Variants in AHDC1 observed in about 807,000 individuals in gnomAD.
AHDC1 encodes the protein transcription factor Gibbin.
Under a neutral mutation model 87.9 loss-of-function variants are expected in AHDC1, and 7 were observed. The observed-to-expected ratio is 0.08, with a 90% CI of 0.05 to 0.15. AHDC1 has a LOEUF of 0.15. AHDC1 is among the 10% of genes least tolerant of loss of function. The pLI, the probability that AHDC1 is intolerant of heterozygous loss-of-function variation, is 1.00. For synonymous variants in AHDC1, 1,051 were observed against 1,006.8 expected (o/e 1.04, Z -0.83); for missense variants, 1,841 against 2,253.2 (o/e 0.82, Z 3.70).
chr1:27,534,993 G>A (rs1450242824), intron 8 of AHDC1, 77 bp from the exon 9 acceptor site: 1 of 152,138 alleles, frequency 6.6e-6, no homozygotes. Flanking sequence ...GAAGTGAAGA[G>A]GGAGACCCCC....
rs2089441533 is a variant in AHDC1, at chr1:27,598,625, C to T, written c.-629+4772G>A. On this transcript the variant is annotated intron_variant, in intron 3 of 8. Transcript: ENST00000673934. This position sits in a 1 kb window ranked among gnomAD's most constrained non-coding sequence, Gnocchi z 4.2. ...TGAGGGGTTGTTCTTGCCAACTGCA[C>T]TGGGGCCATTCCCACCTCCATCTAC... 6.6e-6 allele frequency among the ~76,000 whole-genome samples: 1 copy of T among 151,716 alleles called. No homozygotes were observed. The highest frequency in any genetic ancestry group is 1.5e-5 in the Non-Finnish European group (1 of 67,862).
rs2020204412 is a variant in AHDC1 at position 27,563,793 on chromosome 1, G to A, written c.-628-4910C>T. 6.6e-6 allele frequency among the ~76,000 whole-genome samples: 1 copy of A among 152,092 alleles called. No homozygotes were observed. Among genetic ancestry groups the A allele is most frequent in the African/African-American group, 2.4e-5 (1 of 41,398 alleles). ...GCCCAGTGGCGGGTGCTGGGGGAGA[G>A]GAGTGCTGGGGAGGAAGCTGCCTGG... On this transcript the variant is annotated intron_variant, in intron 3 of 8. Coordinates refer to ENST00000673934, the MANE Select transcript of AHDC1 (RefSeq NM_001371928.1). This position sits in a 1 kb window ranked among gnomAD's most constrained non-coding sequence, Gnocchi z 6.1.
Position 27,561,339 on chromosome 1 carries a change from G to A in AHDC1, c.-628-2456C>T, listed in dbSNP as rs773856329. ...GTCTGCATGGGGTCTGCCTGGCCCTGAGTGTTGGGGGGGAACTTCAGGAGC... is the reference window on the plus strand; with the variant it reads ...GTCTGCATGGGGTCTGCCTGGCCCTAAGTGTTGGGGGGGAACTTCAGGAGC... On this transcript the variant is annotated intron_variant, in intron 3 of 8. Transcript: ENST00000673934. This position sits in a 1 kb window ranked among gnomAD's most constrained non-coding sequence, Gnocchi z 4.2. Among the ~76,000 whole-genome samples the A allele has an allele frequency of 4.0e-5, 6 of 150,596 alleles. No individual in the cohort carries two copies. Among genetic ancestry groups the A allele is most frequent in the Non-Finnish European group, 7.4e-5 (5 of 68,006 alleles).
chr1:27,567,317 C>T (rs1223379399), intron 3 of AHDC1, among the ~76,000 whole-genome samples: 4 of 152,152 alleles, frequency 2.6e-5, no homozygotes, highest in South Asian at 2.1e-4. Context: ...CAGCGCGGGG[C>T]GCCCGCTCCT....
intron 3 of AHDC1, among the ~76,000 whole-genome samples, chr1:27,588,750 A>C (rs1488663068): frequency 6.6e-6 from 1 of 152,082 alleles, no homozygotes; most frequent in African/African-American, 2.4e-5. Flanking sequence ...AAGGCAGGGA[A>C]GTATGCAAAC....
chr1:27,540,943 T>C (rs930687934), intron 8 of AHDC1, among the ~76,000 whole-genome samples: 1 of 148,734 alleles, frequency 6.7e-6, no homozygotes, highest in Non-Finnish European at 1.5e-5. Context: ...AGATGTGTTT[T>C]AATCAATTCA....
chr1:27,602,995 C>CT (rs928642712), intron 3 of AHDC1, among the ~76,000 whole-genome samples: 1 of 142,978 alleles, frequency 7.0e-6, no homozygotes, highest in Non-Finnish European at 1.5e-5. Context: ...TTCCCCCCCC[C>CT]CCCACATTCT....
intron 5 of AHDC1, among the ~76,000 whole-genome samples, chr1:27,557,812 T>A (rs999200601): frequency 6.6e-6 from 1 of 152,076 alleles, no homozygotes; most frequent in African/African-American, 2.4e-5. Flanking sequence ...TACTTCCGGG[T>A]ACCACATACA....
rs2019396541 is a variant in AHDC1, at chr1:27,549,470, C to T, written c.2646G>A (p.Gln882=). The change falls in exon 8 of 9, where the codon CAG becomes CAA. Residue 882 remains glutamine (Q), a synonymous_variant. Coordinates refer to ENST00000673934, the MANE Select transcript of AHDC1 (RefSeq NM_001371928.1). ...AGPPTSALPA[Q]RGLATFPSRG... ...GGCTAGGGAAGGTGGCCAGGCCCCG[C>T]TGGGCAGGCAGGGCACTGGTGGGTG... 2 of 1,612,986 alleles carry T rather than the reference C, an allele frequency of 1.2e-6. No individual in the cohort carries two copies.
chr1:27,559,735 C>A (rs1421013406), intron 3 of AHDC1, among the ~76,000 whole-genome samples: 1 of 152,150 alleles, frequency 6.6e-6, no homozygotes, highest in Admixed American at 6.5e-5. Flanking sequence ...CTAGTTATGT[C>A]TCTTGTTTTC....
intron 3 of AHDC1, among the ~76,000 whole-genome samples, chr1:27,592,690 C>T (rs900271551): frequency 2.0e-5 from 3 of 152,130 alleles, no homozygotes; most frequent in Non-Finnish European, 4.4e-5. Flanking sequence ...ACCCTTGCAC[C>T]CCTCTGGACT....
At position 27,548,882 on chromosome 1, in the gene AHDC1, G is replaced by A; in HGVS notation, c.3234C>T (p.Ala1078=). 6.2e-7 allele frequency: 1 copy of A among 1,609,298 alleles called. No homozygotes were observed. The highest frequency in any genetic ancestry group is 1.1e-5 in the South Asian group (1 of 90,894). The change falls in exon 8 of 9, where the codon GCC becomes GCT. Residue 1078 remains alanine (A), a synonymous_variant. Coordinates refer to ENST00000673934, the MANE Select transcript of AHDC1 (RefSeq NM_001371928.1). The part of the protein sequence containing the change: ...YMVPKGTTAS[A]TSAASAASSS... ...AGGAGGCGGCAGAGGCTGCAGAGGT[G>A]GCAGAGGCTGTGGTGCCCTTGGGTA... is the stretch of plus-strand genomic sequence containing the variant.
chr1:27,577,142 G>A (rs2088778532), intron 3 of AHDC1, among the ~76,000 whole-genome samples: 1 of 152,170 alleles, frequency 6.6e-6, no homozygotes, highest in African/African-American at 2.4e-5. Context: ...ATCCCACAAC[G>A]GATGGGGAAG....
rs1371289013 is a variant in AHDC1, at chr1:27,542,347, C to A, written c.*43+4914G>T. 2.0e-5 allele frequency among the ~76,000 whole-genome samples: 3 copies of A among 152,290 alleles called. No individual in the cohort carries two copies. The East Asian group carries it at 5.8e-4, about 29-fold the overall frequency. ...ACTAGGTGCTATCACAAAGCCTCCC[C>A]CAAGGCCCCAAATCCACACTAGAAT... On this transcript the variant is annotated intron_variant, in intron 8 of 8. Transcript: ENST00000673934.
In AHDC1 at chr1:27,551,775, C is replaced by T; in HGVS notation, c.341G>A (p.Gly114Glu). ...GSSSRRCWDN[G>E]RVNLRPVVQL... Reference sequence around the variant, plus strand: ...CACCACTGGTCGCAGGTTCACCCGCCCGTTGTCCCAGCAGCGTCGGGAGCT... The same window carrying T: ...CACCACTGGTCGCAGGTTCACCCGCTCGTTGTCCCAGCAGCGTCGGGAGCT... The change falls in exon 8 of 9, where the codon GGG becomes GAG. Residue 114 changes from glycine (G) to glutamate (E), a missense_variant. Physicochemically the swap from Gly to Glu is moderately conservative, Grantham distance 98. Transcript: ENST00000673934. The T allele has an allele frequency of 2.5e-6, 4 of 1,613,548 alleles. No homozygotes were observed. The highest frequency in any genetic ancestry group is 3.4e-6 in the Non-Finnish European group (4 of 1,179,920).
At chr1:27,602,426 C>A (rs1282173311) in intron 3 of AHDC1, among the ~76,000 whole-genome samples, 1 of 152,142 alleles carries the variant, frequency 6.6e-6, no homozygotes, top group Non-Finnish European at 1.5e-5. Context: ...CCCAAGCTCC[C>A]ATCAGTCCTC....
intron 3 of AHDC1, among the ~76,000 whole-genome samples, chr1:27,577,237 G>A (rs888866609): frequency 1.3e-5 from 2 of 152,202 alleles, no homozygotes; most frequent in African/African-American, 2.4e-5. Flanking sequence ...AAAGAAAATT[G>A]CCTTTGGCCA....
At chr1:27,576,313 C>A (rs539669963) in intron 3 of AHDC1, among the ~76,000 whole-genome samples, 3 of 152,148 alleles carry the variant, frequency 2.0e-5, no homozygotes, top group Admixed American at 2.0e-4. Flanking sequence ...TGGGGGCCTC[C>A]GTTTTCCTTA....
Position 27,558,799 on chromosome 1 carries a change from C to CCT in AHDC1, c.-545_-544insAG. The stretch of plus-strand genomic sequence containing the variant: ...GTCTCTGCAACGGCCTGAGCGTCGC[C>CCT]CCGCACTCGGGGCCCTCTGCACACG... On this transcript the variant is annotated 5_prime_UTR_variant, in exon 4 of 9. It introduces an in-frame stop codon into an upstream open reading frame of the 5' UTR. Coordinates refer to ENST00000673934, the MANE Select transcript of AHDC1 (RefSeq NM_001371928.1). The surrounding 1 kb of genome is among the most constrained non-coding windows in gnomAD (Gnocchi z 5.6). 5.0e-6 allele frequency: 2 copies of CCT among 398,630 alleles called. No homozygotes were observed. The highest frequency in any genetic ancestry group is 8.8e-6 in the Non-Finnish European group (2 of 226,090). 24.7% of individuals were successfully genotyped at this position (398,630 alleles called of 1,614,324 possible). A position where few individuals can be genotyped will look rare whatever the true frequency, so the allele number is the denominator to read the frequency against.
Sources: allele counts gnomAD v4.1 joint callset (sites outside exome capture counted in the v4.1 genomes callset), GRCh38; gene constraint gnomAD v4.1.1; non-coding constraint Gnocchi (gnomAD v3.1); transcripts MANE v1.5; gene names NCBI Gene and HGNC (gene_info 2026-07-23, HGNC 2026-07-21).